Variants in PHF20 observed in about 807,000 individuals in gnomAD.
PHF20 encodes the protein PHD finger protein 20.
A neutral mutation model predicts 113.5 loss-of-function variants in PHF20; 23 were observed. The ratio of observed to expected loss-of-function variants is 0.20; its 90% confidence interval spans 0.15 to 0.29. PHF20 has a LOEUF of 0.29. Ranked by LOEUF, PHF20 falls within the 10% of genes least tolerant of loss-of-function variation. The pLI, the probability that PHF20 is intolerant of heterozygous loss-of-function variation, is 1.00. For missense variants in PHF20, 943 were observed against 1,219.6 expected (o/e 0.77, Z 3.38); for synonymous variants, 434 against 457.3 (o/e 0.95, Z 0.65).
intron 9 of PHF20, among the ~76,000 whole-genome samples, chr20:35,893,568 T>C (rs1448452612): frequency 4.6e-5 from 7 of 152,256 alleles, no homozygotes; most frequent in African/African-American, 1.7e-4. Flanking sequence ...TCTCCTAAAG[T>C]ACTAGGATTA....
rs1247575994 is a variant in PHF20 at position 35,816,452 on chromosome 20, GT to G, written c.83+14861del. On this transcript the variant is annotated intron_variant, in intron 2 of 17. Coordinates refer to ENST00000374012, the MANE Select transcript of PHF20 (RefSeq NM_016436.5). ...GATTTATGTCATAAACTTTTTTTAA[GT>G]TTTTTTTTTTTTTGAGACGGAATTT... 6.9e-4 allele frequency among the ~76,000 whole-genome samples: 99 copies of G among 143,936 alleles called. 1 individual carries two copies. The highest frequency in any genetic ancestry group is 7.1e-4 in the African/African-American group (28 of 39,512). 94.4% of individuals were successfully genotyped at this position (143,936 alleles called of 152,430 possible).
At chr20:35,886,248 C>T (rs1028574913) in intron 9 of PHF20, among the ~76,000 whole-genome samples, 1 of 151,494 alleles carries the variant, frequency 6.6e-6, no homozygotes, top group Non-Finnish European at 1.5e-5. Context: ...AAGTGATTCT[C>T]CTGCCTCAGC....
chr20:35,909,542 A>G (rs552067942), intron 10 of PHF20, among the ~76,000 whole-genome samples: 1 of 152,232 alleles, frequency 6.6e-6, no homozygotes, highest in South Asian at 2.1e-4. Flanking sequence ...AGCTTTTTTG[A>G]AATTCAGAAG....
At chr20:35,809,595 A>G (rs552644598) in intron 2 of PHF20, among the ~76,000 whole-genome samples, 2 of 150,734 alleles carry the variant, frequency 1.3e-5, no homozygotes, top group African/African-American at 4.9e-5. Flanking sequence ...AAAAAAAAAG[A>G]TAATCCAGCT....
At chr20:35,850,296 GTTTTT>G (rs554100863) in intron 4 of PHF20, among the ~76,000 whole-genome samples, 214 of 62,312 alleles carry the variant, frequency 3.4e-3, no homozygotes, top group African/African-American at 0.011. Context: ...TTCCCCCTCC[GTTTTT>G]TTTTTTTTTT....
intron 1 of PHF20, among the ~76,000 whole-genome samples, chr20:35,772,804 G>A (rs1282351820): frequency 6.6e-6 from 1 of 152,102 alleles, no homozygotes; most frequent in Non-Finnish European, 1.5e-5. Context: ...GGGTCCATTA[G>A]CTAAAGTTTT....
At chr20:35,929,411 G>A (rs1452828607) in intron 14 of PHF20, among the ~76,000 whole-genome samples, 5 of 152,356 alleles carry the variant, frequency 3.3e-5, no homozygotes, top group African/African-American at 1.2e-4. Flanking sequence ...CAGAAGATTT[G>A]ACAGGTGAAC....
At position 35,935,462 on chromosome 20, in the gene PHF20, G is replaced by A. The variant is rs941693282; in HGVS notation, c.2301-3235G>A. On this transcript the variant is annotated intron_variant, in intron 15 of 17. Coordinates refer to ENST00000374012, the MANE Select transcript of PHF20 (RefSeq NM_016436.5). ...GCTCACTACAACTTCTGCCTCCCGA[G>A]TTCAAGCGATTCTTATGCCTCAGCC... Among the ~76,000 whole-genome samples, 53 of 152,310 alleles carry A rather than the reference G, an allele frequency of 3.5e-4. 1 individual carries two copies. The highest frequency in any genetic ancestry group is 2.9e-3 in the Admixed American group (45 of 15,298).
At chr20:35,909,217 G>A (rs57923067) in intron 10 of PHF20, among the ~76,000 whole-genome samples, 8,624 of 151,544 alleles carry the variant, frequency 0.057, 395 homozygotes, top group African/African-American at 0.13. Flanking sequence ...TGCCCCATCA[G>A]CTTTTTAGGT....
chr20:35,813,727 A>G (rs2146886987), intron 2 of PHF20, among the ~76,000 whole-genome samples: 1 of 152,150 alleles, frequency 6.6e-6, no homozygotes, highest in African/African-American at 2.4e-5. Context: ...GCGTGGTGGC[A>G]CGCACTTGTA....
chr20:35,795,006 A>G (rs557374576), intron 1 of PHF20, among the ~76,000 whole-genome samples: 1 of 152,194 alleles, frequency 6.6e-6, no homozygotes, highest in African/African-American at 2.4e-5. Context: ...AGCCTGGCCA[A>G]CATGGCAATA....
intron 2 of PHF20, among the ~76,000 whole-genome samples, chr20:35,808,272 C>T (rs2041918576): frequency 6.6e-6 from 1 of 152,006 alleles, no homozygotes; most frequent in Non-Finnish European, 1.5e-5. Flanking sequence ...TTCCCGTTTT[C>T]CCTTCTGTGT....
rs1434604161 is a variant in PHF20, at chr20:35,938,831, T to C, written c.2435T>C (p.Leu812Ser). The C allele has an allele frequency of 8.7e-6, 14 of 1,614,084 alleles. No individual in the cohort carries two copies. Among genetic ancestry groups the C allele is most frequent in the Non-Finnish European group, 1.1e-5 (13 of 1,180,038 alleles). The change falls in exon 16 of 18, where the codon TTG (leucine) becomes TCG (serine). Residue 812 changes from leucine to serine, a missense_variant. By Grantham distance (145) the Leu-to-Ser change is moderately radical. Around this residue, in one of 3 missense-constraint regions of PHF20, gnomAD observed 349 missense variants for 412.3 expected, o/e 0.85. Transcript: ENST00000374012. ...GAGGAAGCTCCAAGCTATAGAACTT[T>C]GAACGGGGCAGTGGAGAAGCCCAGG... ...SKEEAPSYRT[L>S]NGAVEKPRPL...
At chr20:35,838,395 G>A (rs544017104) in intron 2 of PHF20, 32 of 152,152 alleles carry the variant, frequency 2.1e-4, no homozygotes, top group African/African-American at 7.5e-4. Flanking sequence ...GAGGCAAACC[G>A]GGTTACTTGA....
In PHF20 at chr20:35,822,424, C is replaced by CA. The variant is rs113601542; in HGVS notation, c.84-20138dup. Among the ~76,000 whole-genome samples, 328 of 124,256 alleles carry CA rather than the reference C, an allele frequency of 2.6e-3. 1 individual carries two copies. Among genetic ancestry groups the CA allele is most frequent in the African/African-American group, 7.8e-3 (264 of 33,838 alleles). 81.5% of individuals were successfully genotyped at this position (124,256 alleles called of 152,430 possible). Reference sequence around the variant, plus strand: ...TGGGTAACAGAGCAAGACCCTGTTTCAAAAAAAAAAAGAAAAAAAGTAAAG... The same window carrying CA: ...TGGGTAACAGAGCAAGACCCTGTTTCAAAAAAAAAAAAGAAAAAAAGTAAAG... On this transcript the variant is annotated intron_variant, in intron 2 of 17. Transcript: ENST00000374012.
intron 6 of PHF20, 64 bp downstream of exon 6, chr20:35,863,464 G>A: frequency 6.9e-7 from 1 of 1,458,904 alleles, no homozygotes; most frequent in Non-Finnish European, 9.2e-7. Flanking sequence ...GCCCTTTGTG[G>A]TTCTTTGTAA....
chr20:35,921,820 C>CAT (rs1307778895), intron 13 of PHF20, among the ~76,000 whole-genome samples: 1 of 152,142 alleles, frequency 6.6e-6, no homozygotes, highest in Non-Finnish European at 1.5e-5. Context: ...CATCCTTGAG[C>CAT]ATATGCTCAG....
At chr20:35,835,492 A>T (rs917343461) in intron 2 of PHF20, among the ~76,000 whole-genome samples, 9 of 152,228 alleles carry the variant, frequency 5.9e-5, no homozygotes, top group African/African-American at 2.2e-4. Flanking sequence ...GATCTCATTT[A>T]TAAGAGGTAC....
In PHF20 at chr20:35,949,521, A is replaced by G. The variant is rs1440242231; in HGVS notation, c.*1894A>G. ...ATTGCCCTAATTTTGCCAACTGGCC[A>G]TTATTGGGATTATTGTTTAAATTTT... On this transcript the variant is annotated 3_prime_UTR_variant, in exon 18 of 18. Transcript: ENST00000374012. 1 of 152,672 alleles carries G rather than the reference A, an allele frequency of 6.5e-6. No homozygotes were observed. The highest frequency in any genetic ancestry group is 1.5e-5 in the Non-Finnish European group (1 of 68,044). The allele number at this position is 152,672 out of a possible 1,614,324, so 9.5% of individuals were successfully genotyped here. A position where few individuals can be genotyped will look rare whatever the true frequency, so the allele number is the denominator to read the frequency against.
Sources: allele counts gnomAD v4.1 joint callset (sites outside exome capture counted in the v4.1 genomes callset), GRCh38; gene constraint gnomAD v4.1.1; regional missense constraint gnomAD v4.1.1; transcripts MANE v1.5; gene names NCBI Gene and HGNC (gene_info 2026-07-23, HGNC 2026-07-21).